The following CRYBA4 variants were observed in gnomAD, a reference collection of about 807,000 sequenced individuals.
CRYBA4 encodes the protein crystallin beta A4.
Under a neutral mutation model 31.7 loss-of-function variants are expected in CRYBA4, and 30 were observed. That is an observed-to-expected ratio of 0.95 (90% CI 0.71 to 1.28). The LOEUF is 1.28. Ranked by LOEUF, CRYBA4 falls within the 50% of genes most tolerant of loss-of-function variation. CRYBA4 has a pLI of 0.00. For synonymous variants in CRYBA4, 102 were observed against 102.3 expected (o/e 1.00, Z 0.02); for missense variants, 225 against 260.7 (o/e 0.86, Z 0.94).
the CRYBA4 span, among the ~76,000 whole-genome samples, chr22:26,602,822 A>G: frequency 6.6e-6 from 1 of 152,006 alleles, no homozygotes; most frequent in Non-Finnish European, 1.5e-5. Flanking sequence ...ACACAGATCT[A>G]GGTTCAAATC....
chr22:26,591,979 GTTCA>G, the CRYBA4 span, among the ~76,000 whole-genome samples: 1 of 151,558 alleles, frequency 6.6e-6, no homozygotes, highest in African/African-American at 2.4e-5. Context: ...CCAGCCACAT[GTTCA>G]TTCATTGGTC....
chr22:26,604,815 A>C, the CRYBA4 span, among the ~76,000 whole-genome samples: 4 of 152,146 alleles, frequency 2.6e-5, no homozygotes, highest in East Asian at 7.7e-4. Flanking sequence ...TACAACAATG[A>C]TTACTTATTA....
upstream of CRYBA4, chr22:26,621,932 TA>T: frequency 2.0e-6 from 2 of 985,246 alleles, no homozygotes; most frequent in Non-Finnish European, 2.4e-6. Context: ...TCCCTGCCTA[TA>T]AGAGCCCGAC....
the CRYBA4 span, among the ~76,000 whole-genome samples, chr22:26,615,657 G>C: frequency 2.0e-5 from 3 of 152,214 alleles, no homozygotes; most frequent in South Asian, 6.2e-4. Context: ...GGGATTACAG[G>C]CGCCCACCAC....
chr22:26,620,003 C>CT (rs57928877), upstream of CRYBA4, among the ~76,000 whole-genome samples: 305 of 138,358 alleles, frequency 2.2e-3, 3 homozygotes, highest in East Asian at 0.011. Context: ...TTTTTCTTTT[C>CT]TTTTTTTTTT....
chr22:26,599,463 G>T, the CRYBA4 span: 74 of 1,593,386 alleles, frequency 4.6e-5, no homozygotes, highest in Non-Finnish European at 6.1e-5. Context: ...GAAGGGTTGG[G>T]GCAAGGTAGC....
intron 4 of CRYBA4, among the ~76,000 whole-genome samples, chr22:26,627,644 C>CTCTTTCTT (rs796475290): frequency 2.1e-5 from 3 of 140,110 alleles, no homozygotes; most frequent in African/African-American, 8.0e-5. Flanking sequence ...TTCTCTCTCT[C>CTCTTTCTT]TCTTTCTTTC....
intron 5 of CRYBA4, among the ~76,000 whole-genome samples, chr22:26,629,179 TGA>T (rs986504230): frequency 6.6e-6 from 1 of 152,078 alleles, no homozygotes; most frequent in African/African-American, 2.4e-5. Context: ...GGCTAAGGTG[TGA>T]GATTCTTATT....
the CRYBA4 span, among the ~76,000 whole-genome samples, chr22:26,595,359 G>A: frequency 6.6e-6 from 1 of 151,990 alleles, no homozygotes; most frequent in Non-Finnish European, 1.5e-5. Context: ...GGAGGATCAA[G>A]TAAGGTTGGG....
the CRYBA4 span, among the ~76,000 whole-genome samples, chr22:26,595,016 C>T: frequency 6.6e-6 from 1 of 152,168 alleles, no homozygotes; most frequent in Non-Finnish European, 1.5e-5. Flanking sequence ...ATGGAAGGAA[C>T]ACCAGGTTTA....
the CRYBA4 span, among the ~76,000 whole-genome samples, chr22:26,607,559 G>GGA: frequency 1.3e-4 from 12 of 94,292 alleles, 1 homozygote; most frequent in East Asian, 3.6e-3. Context: ...CCCATCTTTG[G>GGA]GAAAAAAAAA....
At chr22:26,612,277 T>C in the CRYBA4 span, 1 of 848,572 alleles carries the variant, frequency 1.2e-6, no homozygotes, top group East Asian at 2.5e-5. Context: ...AAGCCAGCAG[T>C]GCAGGAGTCA....
the CRYBA4 span, among the ~76,000 whole-genome samples, chr22:26,613,967 G>A: frequency 1.3e-5 from 2 of 152,286 alleles, no homozygotes; most frequent in South Asian, 4.2e-4. Flanking sequence ...GTCTCTTATG[G>A]TCGACGCTGC....
the CRYBA4 span, among the ~76,000 whole-genome samples, chr22:26,610,000 T>A: frequency 6.6e-6 from 1 of 152,212 alleles, no homozygotes; most frequent in Non-Finnish European, 1.5e-5. Context: ...AGAAGGAAAC[T>A]GGAGGTCTAG....
chr22:26,625,711 T>C (rs1314796005), intron 4 of CRYBA4, 89 bp downstream of exon 4: 2 of 1,344,852 alleles, frequency 1.5e-6, no homozygotes, highest in Non-Finnish European at 2.1e-6. Flanking sequence ...GAAATTCTCA[T>C]GTCGCCACTT....
At position 26,623,223 on chromosome 22, in the gene CRYBA4, T is replaced by G; in HGVS notation, c.40-11T>G. The G allele has an allele frequency of 6.2e-7, 1 of 1,609,018 alleles. No individual in the cohort carries two copies. The highest frequency in any genetic ancestry group is 8.5e-7 in the Non-Finnish European group (1 of 1,176,824). On this transcript the variant is annotated splice_polypyrimidine_tract_variant and intron_variant, in intron 2 of 5. Transcript: ENST00000354760. ...GATGCGGATCTCCACCTTTTTTTTT[T>G]CCTGGCACAGATGGTGGTGTGGGAT...
the CRYBA4 span, among the ~76,000 whole-genome samples, chr22:26,598,558 A>G: frequency 1.3e-5 from 2 of 150,598 alleles, no homozygotes; most frequent in African/African-American, 2.4e-5. Flanking sequence ...TAACTTTTGG[A>G]ATTTTTGTAG....
intron 4 of CRYBA4, among the ~76,000 whole-genome samples, chr22:26,627,426 T>TTCTTTCTTTCCTTC (rs1431636604): frequency 6.6e-5 from 5 of 75,350 alleles, no homozygotes; most frequent in African/African-American, 5.1e-4. Flanking sequence ...CTTTCTTTCT[T>TTCTTTCTTTCCTTC]TTTCTTTCTT....
chr22:26,630,115 A>G (rs569659348), intron 5 of CRYBA4, among the ~76,000 whole-genome samples: 111 of 152,358 alleles, frequency 7.3e-4, no homozygotes, highest in African/African-American at 2.6e-3. Context: ...CATGAAGGAC[A>G]AATACAACTT....
Sources: gnomAD v4.1 joint callset for allele counts (sites outside exome capture counted in the v4.1 genomes callset) on GRCh38, gnomAD v4.1.1 for gene constraint, MANE v1.5 for transcripts, NCBI Gene and HGNC (gene_info 2026-07-23, HGNC 2026-07-21) for gene names.